ERBB4: variants seen among roughly 807,000 people sequenced by gnomAD.
ERBB4 encodes the protein receptor tyrosine-protein kinase erbB-4.
ERBB4 carries 42 observed loss-of-function variants against 158.0 expected under a neutral mutation model. The observed-to-expected ratio is 0.27, with a 90% CI of 0.21 to 0.34. ERBB4 has a LOEUF of 0.34. Among genes scored for constraint, ERBB4 ranks in the 10% least tolerant of loss-of-function variants. ERBB4 has a pLI of 1.00. For missense variants in ERBB4, 1,333 were observed against 1,624.1 expected, an observed-to-expected ratio of 0.82 and a Z score of 3.08; for synonymous variants, 583 against 558.7, an observed-to-expected ratio of 1.04 and a Z score of -0.61.
intron 1 of ERBB4, among the ~76,000 whole-genome samples, chr2:212,427,468 G>T (rs1437740475): frequency 1.3e-5 from 2 of 152,050 alleles, no homozygotes; most frequent in Non-Finnish European, 2.9e-5. Context: ...CTTATTTTGG[G>T]TTCCCTGTGA....
chr2:212,177,584 C>T (rs542375521), intron 1 of ERBB4, among the ~76,000 whole-genome samples: 1 of 151,934 alleles, frequency 6.6e-6, no homozygotes, highest in South Asian at 2.1e-4. Flanking sequence ...AATACAAGCT[C>T]ATGCTGAAGG....
rs1394846387 is a variant in ERBB4 at position 211,894,387 on chromosome 2, A to G, written c.421+53043T>C. On this transcript the variant is annotated intron_variant, in intron 3 of 27. Transcript: ENST00000342788. ...GAGATCACATGGACACAGGAAGGGG[A>G]ATATCACACTCTGGGGACTGTGGTG... Among the ~76,000 whole-genome samples, 4 of 138,698 alleles carry G rather than the reference A, an allele frequency of 2.9e-5. No homozygotes were observed. In the Admixed American group the frequency reaches 3.1e-4, roughly 11 times the overall value. The allele number at this position is 138,698 out of a possible 152,430, so 91.0% of individuals were successfully genotyped here. A position where few individuals can be genotyped will look rare whatever the true frequency, so the allele number is the denominator to read the frequency against.
chr2:212,004,084 G>C (rs761897133), intron 2 of ERBB4, among the ~76,000 whole-genome samples: 1 of 152,066 alleles, frequency 6.6e-6, no homozygotes. Flanking sequence ...ATCCAGATAT[G>C]CATGGACTGC....
intron 7 of ERBB4, among the ~76,000 whole-genome samples, chr2:211,721,646 C>G (rs1481095187): frequency 1.8e-5 from 2 of 110,686 alleles, no homozygotes; most frequent in African/African-American, 4.2e-5. Context: ...TATATATATA[C>G]ATGTTTTGTT....
intron 2 of ERBB4, among the ~76,000 whole-genome samples, chr2:211,987,705 A>T (rs538596004): frequency 6.6e-6 from 1 of 152,312 alleles, no homozygotes; most frequent in South Asian, 2.1e-4. Context: ...ACAGGCAAAA[A>T]AAATGCAATT....
intron 1 of ERBB4, among the ~76,000 whole-genome samples, chr2:212,398,110 G>A (rs965550238): frequency 3.3e-5 from 5 of 150,032 alleles, no homozygotes; most frequent in Non-Finnish European, 5.9e-5. Flanking sequence ...ATATGTGTGT[G>A]TGTGTGTGTG....
chr2:212,374,489 G>A (rs557120598), intron 1 of ERBB4, among the ~76,000 whole-genome samples: 1 of 151,704 alleles, frequency 6.6e-6, no homozygotes, highest in South Asian at 2.1e-4. Context: ...AGCAAACGAT[G>A]TGTGTGTGTG....
intron 2 of ERBB4, among the ~76,000 whole-genome samples, chr2:211,997,170 G>A (rs2082219609): frequency 6.6e-6 from 1 of 152,096 alleles, no homozygotes; most frequent in African/African-American, 2.4e-5. Context: ...ATGTAGATGA[G>A]TGTCTTTGTC....
chr2:211,551,557 T>C (rs2067098237), intron 20 of ERBB4, among the ~76,000 whole-genome samples: 1 of 152,232 alleles, frequency 6.6e-6, no homozygotes, highest in Non-Finnish European at 1.5e-5. Context: ...CCAAACAGTA[T>C]TAAATGTCTC....
chr2:211,843,436 C>G (rs1559566489), intron 3 of ERBB4, among the ~76,000 whole-genome samples: 1 of 151,882 alleles, frequency 6.6e-6, no homozygotes, highest in African/African-American at 2.4e-5. Context: ...CACACACACA[C>G]AGCATCAAAC....
chr2:212,300,840 T>C lies in ERBB4; in HGVS notation c.83-175937A>G, dbSNP rs191193194. Reference sequence around the variant, plus strand: ...TAATGTGCAAATATCACTAATTCTGTCTGTTTCACTCAGACATTATAAAGA... The same window carrying C: ...TAATGTGCAAATATCACTAATTCTGCCTGTTTCACTCAGACATTATAAAGA... On this transcript the variant is annotated intron_variant, in intron 1 of 27. Coordinates refer to ENST00000342788, the MANE Select transcript of ERBB4 (RefSeq NM_005235.3). 3.4e-3 allele frequency among the ~76,000 whole-genome samples: 513 copies of C among 151,600 alleles called. 4 individuals are homozygous for C. Among genetic ancestry groups the C allele is most frequent in the Non-Finnish European group, 6.0e-3 (404 of 67,620 alleles).
intron 3 of ERBB4, among the ~76,000 whole-genome samples, chr2:211,922,416 CAAG>C (rs1490431715): frequency 6.6e-6 from 1 of 151,994 alleles, no homozygotes; most frequent in Non-Finnish European, 1.5e-5. Context: ...TCCTAAGTAA[CAAG>C]AAGAATTACA....
intron 25 of ERBB4, among the ~76,000 whole-genome samples, chr2:211,403,907 C>G (rs1443135571): frequency 4.6e-5 from 7 of 152,086 alleles, no homozygotes; most frequent in Non-Finnish European, 8.8e-5. Flanking sequence ...TCTCTAAGTC[C>G]CAGTTTCCTT....
intron 1 of ERBB4, among the ~76,000 whole-genome samples, chr2:212,259,604 T>C (rs2084859945): frequency 6.6e-6 from 1 of 152,208 alleles, no homozygotes; most frequent in South Asian, 2.1e-4. Flanking sequence ...AAACATTTAA[T>C]AAGTTCCAAT....
intron 20 of ERBB4, among the ~76,000 whole-genome samples, chr2:211,546,182 C>T (rs866718839): frequency 6.6e-6 from 1 of 152,052 alleles, no homozygotes; most frequent in Non-Finnish European, 1.5e-5. Context: ...CAACATTCTA[C>T]ATCCCTTTTC....
At chr2:212,272,523 G>A (rs1397735225) in intron 1 of ERBB4, among the ~76,000 whole-genome samples, 2 of 151,750 alleles carry the variant, frequency 1.3e-5, no homozygotes, top group Non-Finnish European at 2.9e-5. Context: ...GTGACCTGCA[G>A]TTATCTGTTC....
At chr2:212,256,020 G>A (rs565783700) in intron 1 of ERBB4, among the ~76,000 whole-genome samples, 5 of 150,848 alleles carry the variant, frequency 3.3e-5, no homozygotes, top group African/African-American at 9.7e-5. Context: ...TTACAAATGG[G>A]GGGGGGTCTC....
intron 1 of ERBB4, among the ~76,000 whole-genome samples, chr2:212,394,826 C>T (rs543989300): frequency 9.2e-5 from 14 of 152,100 alleles, no homozygotes; most frequent in South Asian, 4.2e-4. Context: ...TAGGAAATGA[C>T]GCTGCATTTG....
chr2:212,392,473 A>G (rs2090906384), intron 1 of ERBB4, among the ~76,000 whole-genome samples: 1 of 152,106 alleles, frequency 6.6e-6, no homozygotes, highest in East Asian at 1.9e-4. Flanking sequence ...AACTCATTCA[A>G]TAAACATTAT....
Sources: allele counts gnomAD v4.1 joint callset (sites outside exome capture counted in the v4.1 genomes callset), GRCh38; gene constraint gnomAD v4.1.1; transcripts MANE v1.5; gene names NCBI Gene and HGNC (gene_info 2026-07-23, HGNC 2026-07-21).